Variants in ZMYND11 observed in about 807,000 individuals in gnomAD.
The protein encoded by ZMYND11 is zinc finger MYND domain-containing protein 11.
Under a neutral mutation model 84.9 loss-of-function variants are expected in ZMYND11, and 9 were observed. The observed-to-expected ratio is 0.11, with a 90% confidence interval of 0.06 to 0.18. The LOEUF (loss-of-function observed/expected upper bound fraction) is 0.18. Among genes scored for constraint, ZMYND11 ranks in the 10% least tolerant of loss-of-function variants. The pLI is 1.00. For missense variants in ZMYND11, 409 were observed against 761.0 expected (o/e 0.54, Z 5.44); for synonymous variants, 250 against 244.1 (o/e 1.02, Z -0.23).
chr10:186,839 A>T (rs1351458262), intron 2 of ZMYND11, among the ~76,000 whole-genome samples: 1 of 152,104 alleles, frequency 6.6e-6, no homozygotes, highest in Non-Finnish European at 1.5e-5. Flanking sequence ...ATGGTATTTA[A>T]CTTGGCGGAG....
At chr10:232,341 G>C (rs773563523) in intron 4 of ZMYND11, among the ~76,000 whole-genome samples, 1 of 152,194 alleles carries the variant, frequency 6.6e-6, no homozygotes, top group African/African-American at 2.4e-5. Flanking sequence ...GCAATGTCCT[G>C]TTGATTTCTT....
At chr10:171,903 A>G (rs949526805) in intron 1 of ZMYND11, among the ~76,000 whole-genome samples, 22 of 152,210 alleles carry the variant, frequency 1.4e-4, no homozygotes, top group African/African-American at 5.3e-4. Flanking sequence ...TGCTGCTGTA[A>G]CAAAATACCA....
chr10:139,166 A>C (rs1224943026), intron 1 of ZMYND11, among the ~76,000 whole-genome samples: 1 of 152,200 alleles, frequency 6.6e-6, no homozygotes, highest in East Asian at 1.9e-4. Flanking sequence ...GAATAATACA[A>C]ATAACTAAAA....
intron 1 of ZMYND11, chr10:148,668 T>C (rs1554756105): frequency 2.6e-5 from 4 of 152,300 alleles, no homozygotes; most frequent in Non-Finnish European, 5.9e-5. Context: ...AAGGCCAAGA[T>C]GCATGGCAGG....
intron 4 of ZMYND11, among the ~76,000 whole-genome samples, chr10:221,837 T>G (rs1310398996): frequency 6.6e-6 from 1 of 152,116 alleles, no homozygotes; most frequent in Non-Finnish European, 1.5e-5. Flanking sequence ...TATATTTTAT[T>G]TGGAGGGTGG....
intron 1 of ZMYND11, among the ~76,000 whole-genome samples, chr10:137,649 G>T (rs1836428612): frequency 6.6e-6 from 1 of 152,004 alleles, no homozygotes; most frequent in Non-Finnish European, 1.5e-5. Flanking sequence ...TGGTAGGCAG[G>T]GTCATCTTTG....
At chr10:166,887 A>G (rs1220520994) in intron 1 of ZMYND11, among the ~76,000 whole-genome samples, 5 of 152,166 alleles carry the variant, frequency 3.3e-5, no homozygotes, top group African/African-American at 9.7e-5. Context: ...ATTGTGATTT[A>G]TCCATACGGT....
At chr10:242,611 A>G (rs559236387) in intron 10 of ZMYND11, among the ~76,000 whole-genome samples, 1 of 152,340 alleles carries the variant, frequency 6.6e-6, no homozygotes, top group South Asian at 2.1e-4. Flanking sequence ...TTCACATGCA[A>G]TTTATTTGGT....
chr10:187,405 C>T (rs1245154635), intron 2 of ZMYND11, among the ~76,000 whole-genome samples: 7 of 152,092 alleles, frequency 4.6e-5, no homozygotes, highest in African/African-American at 4.8e-5. Flanking sequence ...GAGGCCGAGG[C>T]GGGCGGATCA....
intron 4 of ZMYND11, among the ~76,000 whole-genome samples, chr10:227,038 G>A (rs534916895): frequency 1.3e-5 from 2 of 152,250 alleles, no homozygotes; most frequent in South Asian, 4.1e-4. Context: ...ACAAATTGTA[G>A]GGTGAATCAA....
chr10:191,147 A>G (rs1171661968), intron 2 of ZMYND11, among the ~76,000 whole-genome samples: 4 of 152,220 alleles, frequency 2.6e-5, no homozygotes, highest in African/African-American at 4.8e-5. Context: ...ACTGTGCTTT[A>G]TATAATTATT....
intron 1 of ZMYND11, among the ~76,000 whole-genome samples, chr10:163,015 C>T (rs558060370): frequency 6.6e-6 from 1 of 152,234 alleles, no homozygotes; most frequent in Admixed American, 6.5e-5. Context: ...TTTTCTTTCT[C>T]CTGATTTATT....
intron 2 of ZMYND11, chr10:197,989 A>G (rs758775408): frequency 1.5e-6 from 1 of 645,454 alleles, no homozygotes; most frequent in South Asian, 1.8e-5. Flanking sequence ...CATTAGTTGT[A>G]TCATTGTTAT....
chr10:158,993 T>G (rs1261694183), intron 1 of ZMYND11, among the ~76,000 whole-genome samples: 16 of 145,482 alleles, frequency 1.1e-4, no homozygotes, highest in South Asian at 6.4e-4. Flanking sequence ...TGTTTTTTGT[T>G]TTTTTTTTTT....
At chr10:175,069 C>T (rs1053337121) in intron 1 of ZMYND11, among the ~76,000 whole-genome samples, 2 of 152,218 alleles carry the variant, frequency 1.3e-5, no homozygotes, top group East Asian at 1.9e-4. Context: ...ATGTACAACA[C>T]CAAGAGTGAA....
intron 1 of ZMYND11, chr10:148,150 T>G (rs1388755262): frequency 6.6e-6 from 1 of 152,422 alleles, no homozygotes; most frequent in Non-Finnish European, 1.5e-5. Flanking sequence ...AATATTTCCA[T>G]GTACAGGTGG....
At chr10:161,500 C>T (rs1842937552) in intron 1 of ZMYND11, among the ~76,000 whole-genome samples, 1 of 152,182 alleles carries the variant, frequency 6.6e-6, no homozygotes, top group Admixed American at 6.5e-5. Flanking sequence ...ATGATTTGAA[C>T]CCAGGCATCA....
chr10:252,253 C>A lies in ZMYND11; in HGVS notation c.1687-95C>A. 1 of 1,438,012 alleles carries A rather than the reference C, an allele frequency of 7.0e-7. No homozygotes were observed. Among genetic ancestry groups the A allele is most frequent in the Non-Finnish European group, 9.5e-7 (1 of 1,056,998 alleles). The allele number at this position is 1,438,012 out of a possible 1,614,324, so 89.1% of individuals were successfully genotyped here. A position where few individuals can be genotyped will look rare whatever the true frequency, so the allele number is the denominator to read the frequency against. The stretch of plus-strand genomic sequence containing the variant: ...CCACAAAAGGTTGAGCCAGAAAGAT[C>A]TTTTAAAAGCACCACCTCAAGAGTT... On this transcript the variant is annotated intron_variant, in intron 14 of 14. Transcript: ENST00000381604. This position sits in a 1 kb window ranked among gnomAD's most constrained non-coding sequence, Gnocchi z 4.6.
chr10:149,324 A>ATT (rs1839749050), intron 1 of ZMYND11, among the ~76,000 whole-genome samples: 1 of 144,472 alleles, frequency 6.9e-6, no homozygotes, highest in African/African-American at 2.6e-5. Flanking sequence ...TATTATTATT[A>ATT]TTTTTCAGAC....
Sources: allele counts gnomAD v4.1 joint callset (sites outside exome capture counted in the v4.1 genomes callset), GRCh38; gene constraint gnomAD v4.1.1; non-coding constraint Gnocchi (gnomAD v3.1); transcripts MANE v1.5; gene names NCBI Gene and HGNC (gene_info 2026-07-23, HGNC 2026-07-21).